Variants in VPS54 observed in about 807,000 individuals in gnomAD.
The protein encoded by VPS54 is VPS54 subunit of GARP complex.
VPS54 carries 45 observed loss-of-function variants against 121.5 expected under a neutral mutation model. The ratio of observed to expected loss-of-function variants is 0.37; its 90% CI spans 0.29 to 0.47. The LOEUF is 0.47. VPS54 is among the 20% of genes least tolerant of loss of function. The pLI is 0.99. For synonymous variants in VPS54, 371 were observed against 385.8 expected (o/e 0.96, Z 0.45); for missense variants, 1,090 against 1,131.4 (o/e 0.96, Z 0.52).
intron 1 of VPS54, among the ~76,000 whole-genome samples, chr2:64,013,678 A>G (rs1678550129): frequency 1.4e-5 from 2 of 146,752 alleles, no homozygotes; most frequent in Admixed American, 6.9e-5. Context: ...ATATCTATAT[A>G]TTGATATATA....
intron 1 of VPS54, among the ~76,000 whole-genome samples, chr2:63,987,119 G>C (rs1283333745): frequency 6.6e-6 from 1 of 152,118 alleles, no homozygotes; most frequent in East Asian, 1.9e-4. Flanking sequence ...TGCTTGTGGG[G>C]TATTTATTCA....
intron 20 of VPS54, among the ~76,000 whole-genome samples, chr2:63,909,004 C>T (rs1673020032): frequency 2.0e-5 from 3 of 152,132 alleles, no homozygotes; most frequent in South Asian, 2.1e-4. Flanking sequence ...GATCTGTTCT[C>T]CTCAACTTCA....
chr2:64,003,214 C>T (rs1011626889), intron 1 of VPS54, among the ~76,000 whole-genome samples: 9 of 152,048 alleles, frequency 5.9e-5, no homozygotes, highest in African/African-American at 9.7e-5. Context: ...TACAGGAAAA[C>T]GGAAAGCTCT....
chr2:63,900,938 T>C (rs1672656984), intron 20 of VPS54, among the ~76,000 whole-genome samples: 1 of 152,048 alleles, frequency 6.6e-6, no homozygotes, highest in Non-Finnish European at 1.5e-5. Context: ...AATTTTTTGT[T>C]TTTAGTAGAG....
At chr2:63,965,016 C>T (rs1675926882) in intron 6 of VPS54, among the ~76,000 whole-genome samples, 1 of 152,116 alleles carries the variant, frequency 6.6e-6, no homozygotes, top group African/African-American at 2.4e-5. Context: ...TAAAGAACTG[C>T]TGACTAGTAA....
intron 13 of VPS54, 133 bp from the exon 14 acceptor site, chr2:63,920,760 AATTGAGC>A (rs1437456703): frequency 2.1e-6 from 1 of 475,270 alleles, no homozygotes; most frequent in Non-Finnish European, 3.1e-6. Flanking sequence ...CAGACCCAGA[AATTGAGC>A]ATGAAATGCT....
intron 18 of VPS54, 134 bp downstream of exon 18, chr2:63,913,089 G>T: frequency 1.5e-6 from 1 of 681,024 alleles, no homozygotes; most frequent in Non-Finnish European, 2.3e-6. Flanking sequence ...ACATAAAAGA[G>T]TAAGTAGCAT....
chr2:64,012,806 C>G (rs1224942456), intron 1 of VPS54, among the ~76,000 whole-genome samples: 4 of 152,128 alleles, frequency 2.6e-5, no homozygotes. Flanking sequence ...CCTCCGTTCT[C>G]TTTTTGGTCT....
At chr2:63,895,819 T>C (rs1672422981) in intron 22 of VPS54, among the ~76,000 whole-genome samples, 1 of 152,176 alleles carries the variant, frequency 6.6e-6, no homozygotes, top group Non-Finnish European at 1.5e-5. Flanking sequence ...CAGTGAGGAT[T>C]CTCTAAGGTC....
chr2:63,973,453 C>T (rs1392462899), intron 3 of VPS54, among the ~76,000 whole-genome samples: 1 of 152,058 alleles, frequency 6.6e-6, no homozygotes, highest in African/African-American at 2.4e-5. Context: ...ACTTCTATAT[C>T]TTTTTTTGGG....
rs1675031196 is a variant in VPS54 at position 63,947,420 on chromosome 2, T to TC, written c.1207dup (p.Glu403GlyfsTer12). Reference sequence around the variant, plus strand: ...ATTCTTTGCTGTAATAACCATTTTTTCACCATAGATTTCTAAAAAATTAAG... The same window carrying TC: ...ATTCTTTGCTGTAATAACCATTTTTTCCACCATAGATTTCTAAAAAATTAAG... On this transcript the variant is annotated frameshift_variant, in exon 9 of 23. Coordinates refer to ENST00000272322, the MANE Select transcript of VPS54 (RefSeq NM_016516.3). LOFTEE classifies it high-confidence loss of function. 6.4e-7 allele frequency: 1 copy of TC among 1,557,486 alleles called. No homozygotes were observed. The highest frequency in any genetic ancestry group is 8.8e-7 in the Non-Finnish European group (1 of 1,139,528).
At chr2:64,016,536 T>A (rs1214756575) in intron 1 of VPS54, among the ~76,000 whole-genome samples, 1 of 151,968 alleles carries the variant, frequency 6.6e-6, no homozygotes, top group East Asian at 1.9e-4. Context: ...TTTGAGGGAA[T>A]GATGAAAATG....
chr2:63,948,423 T>A (rs1452950081), intron 8 of VPS54, among the ~76,000 whole-genome samples: 1 of 149,528 alleles, frequency 6.7e-6, no homozygotes, highest in African/African-American at 2.5e-5. Context: ...GGTTTTTTTT[T>A]TTTTTTTTTT....
chr2:64,001,574 C>G (rs1677882368), intron 1 of VPS54, among the ~76,000 whole-genome samples: 2 of 152,084 alleles, frequency 1.3e-5, no homozygotes, highest in Admixed American at 1.3e-4. Context: ...GCCCTTTAGT[C>G]AGCACAGGAT....
chr2:63,964,483 CTCTTTT>C (rs1218753983), intron 6 of VPS54, among the ~76,000 whole-genome samples: 2 of 152,022 alleles, frequency 1.3e-5, no homozygotes, highest in Non-Finnish European at 2.9e-5. Context: ...TGCTGTTTTT[CTCTTTT>C]TAAGGTATTA....
At chr2:63,975,081 T>C in intron 3 of VPS54, 2 of 1,528,204 alleles carry the variant, frequency 1.3e-6, no homozygotes, top group Non-Finnish European at 1.8e-6. Context: ...AGTCTCACTC[T>C]GTCACCCAAT....
At chr2:63,902,494 A>G (rs1672721064) in intron 20 of VPS54, among the ~76,000 whole-genome samples, 1 of 152,210 alleles carries the variant, frequency 6.6e-6, no homozygotes. Flanking sequence ...ATTTCCATGC[A>G]TAAACACTAT....
intron 3 of VPS54, among the ~76,000 whole-genome samples, chr2:63,979,221 A>ATTCT (rs1676689082): frequency 6.9e-6 from 1 of 144,402 alleles, no homozygotes; most frequent in Non-Finnish European, 1.5e-5. Context: ...TTTGATGTTT[A>ATTCT]TTCTTTCTTT....
At chr2:63,926,569 G>A (rs767414094) in intron 12 of VPS54, among the ~76,000 whole-genome samples, 3 of 152,164 alleles carry the variant, frequency 2.0e-5, no homozygotes, top group Non-Finnish European at 2.9e-5. Flanking sequence ...CAGCGAGATC[G>A]ACGCAGAAGA....
Sources: allele counts gnomAD v4.1 joint callset (sites outside exome capture counted in the v4.1 genomes callset), GRCh38; gene constraint gnomAD v4.1.1; transcripts MANE v1.5; gene names NCBI Gene and HGNC (gene_info 2026-07-23, HGNC 2026-07-21).